The following FSTL5 variants were observed in gnomAD, a reference collection of about 807,000 sequenced individuals.
FSTL5 encodes the protein follistatin-related protein 5.
FSTL5 carries 62 observed loss-of-function variants against 89.1 expected under a neutral mutation model. That is an observed-to-expected ratio of 0.70 (90% confidence interval 0.57 to 0.86). The LOEUF is 0.86. FSTL5 is among the 40% of genes least tolerant of loss of function. The probability of loss-of-function intolerance (pLI) is 0.00; values close to 1 mark genes in which losing one functional copy is unlikely to be tolerated. For synonymous variants in FSTL5, 383 were observed against 346.2 expected, an observed-to-expected ratio of 1.11 and a Z score of -1.18; for missense variants, 1,057 against 1,001.6, an observed-to-expected ratio of 1.06 and a Z score of -0.75.
At chr4:161,712,935 A>G (rs1307797450) in intron 6 of FSTL5, among the ~76,000 whole-genome samples, 1 of 152,140 alleles carries the variant, frequency 6.6e-6, no homozygotes, top group Non-Finnish European at 1.5e-5. Context: ...TCAGAAGACT[A>G]GCAGATGCTG....
chr4:162,102,268 TA>T (rs1731025739), intron 2 of FSTL5, among the ~76,000 whole-genome samples: 1 of 152,032 alleles, frequency 6.6e-6, no homozygotes, highest in African/African-American at 2.4e-5. Context: ...TCTTTATCTA[TA>T]AAAGGATCAC....
intron 6 of FSTL5, among the ~76,000 whole-genome samples, chr4:161,757,404 A>C (rs11942167): frequency 1.3e-5 from 2 of 151,742 alleles, no homozygotes; most frequent in African/African-American, 2.4e-5. Context: ...ATATGTAAAC[A>C]TAAGTTTTTC....
intron 6 of FSTL5, among the ~76,000 whole-genome samples, chr4:161,740,315 C>T (rs576017478): frequency 2.5e-4 from 38 of 152,088 alleles, no homozygotes; most frequent in African/African-American, 7.5e-4. Flanking sequence ...CCACCAGGCC[C>T]GGCCTGAAAT....
intron 7 of FSTL5, among the ~76,000 whole-genome samples, chr4:161,602,121 A>G (rs1288602182): frequency 6.6e-6 from 1 of 152,024 alleles, no homozygotes; most frequent in Non-Finnish European, 1.5e-5. Context: ...AGAGAAATGG[A>G]AAAAGCAAAA....
At chr4:161,604,381 C>T (rs994662151) in intron 7 of FSTL5, among the ~76,000 whole-genome samples, 1 of 151,814 alleles carries the variant, frequency 6.6e-6, no homozygotes, top group African/African-American at 2.4e-5. Context: ...GTAACTTGAA[C>T]ATAAAAATTT....
intron 15 of FSTL5, among the ~76,000 whole-genome samples, chr4:161,429,350 C>T (rs922020154): frequency 6.6e-6 from 1 of 152,138 alleles, no homozygotes; most frequent in Non-Finnish European, 1.5e-5. Flanking sequence ...TTGTAGAGCC[C>T]AAGGGCCTTG....
intron 7 of FSTL5, among the ~76,000 whole-genome samples, chr4:161,600,497 G>A (rs1734192778): frequency 6.6e-6 from 1 of 151,880 alleles, no homozygotes; most frequent in Non-Finnish European, 1.5e-5. Context: ...ATACTGAAAT[G>A]CAATAAAAAC....
Position 161,639,976 on chromosome 4 carries a change from T to A in FSTL5, c.894+16352A>T, listed in dbSNP as rs1364677552. Among the ~76,000 whole-genome samples, 3 of 152,194 alleles carry A rather than the reference T, an allele frequency of 2.0e-5. No individual in the cohort carries two copies. In the South Asian group the frequency reaches 6.2e-4, roughly 31 times the overall value. On this transcript the variant is annotated intron_variant, in intron 7 of 15. Transcript: ENST00000306100. ...CCCTGCTTCCTTCATTTTTTTCTTT[T>A]TTACCTTTTTGGAACAAGACTTTAA...
intron 8 of FSTL5, among the ~76,000 whole-genome samples, chr4:161,584,910 G>T (rs1435311783): frequency 6.6e-6 from 1 of 152,078 alleles, no homozygotes; most frequent in Non-Finnish European, 1.5e-5. Flanking sequence ...GTGAGATATC[G>T]GTTCAGGGAC....
chr4:161,974,608 G>A (rs1735579547), intron 3 of FSTL5, among the ~76,000 whole-genome samples: 1 of 122,132 alleles, frequency 8.2e-6, no homozygotes, highest in African/African-American at 3.2e-5. Context: ...AATTCAAGAT[G>A]GATTAAAGAT....
chr4:161,698,055 T>C (rs567524872), intron 6 of FSTL5, among the ~76,000 whole-genome samples: 1 of 152,146 alleles, frequency 6.6e-6, no homozygotes, highest in African/African-American at 2.4e-5. Flanking sequence ...ATGAGGCCTT[T>C]GGTAAGTGAT....
At chr4:161,596,552 G>C (rs1053871955) in intron 7 of FSTL5, among the ~76,000 whole-genome samples, 1 of 151,920 alleles carries the variant, frequency 6.6e-6, no homozygotes, top group Admixed American at 6.6e-5. Flanking sequence ...CAAATTAATT[G>C]ATATGTTCTC....
At chr4:161,739,011 G>C (rs554302134) in intron 6 of FSTL5, among the ~76,000 whole-genome samples, 115 of 152,156 alleles carry the variant, frequency 7.6e-4, no homozygotes, top group Admixed American at 1.6e-3. Context: ...TCCAACAATT[G>C]TTTTATCTTA....
chr4:161,954,509 A>G (rs1162912188), intron 3 of FSTL5, among the ~76,000 whole-genome samples: 1 of 151,630 alleles, frequency 6.6e-6, no homozygotes, highest in Admixed American at 6.6e-5. Context: ...ATATCGGGAT[A>G]TACCTGTAAA....
intron 2 of FSTL5, among the ~76,000 whole-genome samples, chr4:162,036,318 T>C (rs77654088): frequency 0.092 from 14,017 of 152,114 alleles, 775 homozygotes; most frequent in Non-Finnish European, 0.12. Context: ...ATCTTAGTTG[T>C]AGGTAACTCC....
chr4:161,696,268 T>C (rs1275454049), intron 6 of FSTL5, among the ~76,000 whole-genome samples: 1 of 152,202 alleles, frequency 6.6e-6, no homozygotes, highest in African/African-American at 2.4e-5. Flanking sequence ...CAATTGGCTG[T>C]AAGTATTTGG....
Position 161,648,058 on chromosome 4 carries a change from C to T in FSTL5, c.894+8270G>A, listed in dbSNP as rs1268451134. Among the ~76,000 whole-genome samples the T allele has an allele frequency of 1.2e-4, 19 of 152,042 alleles. 1 individual carries two copies. Among genetic ancestry groups the T allele is most frequent in the Admixed American group, 8.5e-4 (13 of 15,260 alleles). On this transcript the variant is annotated intron_variant, in intron 7 of 15. Coordinates refer to ENST00000306100, the MANE Select transcript of FSTL5 (RefSeq NM_020116.5). ...GGGGAAAGCCATCTCCCTACTGGCT[C>T]CCCCATCTGCTGAGAGCTATTTCCA... is the stretch of plus-strand genomic sequence containing the variant.
At chr4:161,770,007 T>C (rs1449008142) in intron 5 of FSTL5, among the ~76,000 whole-genome samples, 1 of 151,984 alleles carries the variant, frequency 6.6e-6, no homozygotes, top group East Asian at 1.9e-4. Context: ...GTGGCCTGTA[T>C]ACATGATGGA....
intron 14 of FSTL5, among the ~76,000 whole-genome samples, chr4:161,457,914 T>G (rs1733419186): frequency 6.6e-6 from 1 of 152,184 alleles, no homozygotes; most frequent in Non-Finnish European, 1.5e-5. Context: ...CTCTTGAATC[T>G]GGGCAGGCAA....
Sources: allele counts gnomAD v4.1 joint callset (sites outside exome capture counted in the v4.1 genomes callset), GRCh38; gene constraint gnomAD v4.1.1; transcripts MANE v1.5; gene names NCBI Gene and HGNC (gene_info 2026-07-23, HGNC 2026-07-21).